AMPH: variants seen among roughly 807,000 people sequenced by gnomAD.
AMPH encodes the protein amphiphysin.
In AMPH, 49 loss-of-function variants were observed where a neutral mutation model predicts 99.1. That is an observed-to-expected ratio of 0.49 (90% CI 0.39 to 0.63). The LOEUF (loss-of-function observed/expected upper bound fraction) is 0.63. Among genes scored for constraint, AMPH ranks in the 20% least tolerant of loss-of-function variants. AMPH has a pLI of 0.00. For synonymous variants in AMPH, 314 were observed against 317.3 expected, an observed-to-expected ratio of 0.99 and a Z score of 0.11; for missense variants, 759 against 863.4, an observed-to-expected ratio of 0.88 and a Z score of 1.52.
intron 2 of AMPH, among the ~76,000 whole-genome samples, chr7:38,516,980 A>G (rs1467941566): frequency 6.6e-6 from 1 of 152,180 alleles, no homozygotes; most frequent in Non-Finnish European, 1.5e-5. Flanking sequence ...TGGAATGGAT[A>G]TATTTACCCA....
intron 2 of AMPH, among the ~76,000 whole-genome samples, chr7:38,532,254 A>C (rs1265276987): frequency 6.6e-6 from 1 of 152,052 alleles, no homozygotes; most frequent in East Asian, 1.9e-4. Flanking sequence ...TCCTCACTCC[A>C]CTATAATGAT....
chr7:38,451,586 A>G (rs888264926), intron 11 of AMPH, among the ~76,000 whole-genome samples: 2 of 152,066 alleles, frequency 1.3e-5, no homozygotes, highest in Non-Finnish European at 2.9e-5. Flanking sequence ...GAGACTGAGA[A>G]ATTCTTCCCT....
At chr7:38,630,797 A>T (rs962110532) in intron 1 of AMPH, among the ~76,000 whole-genome samples, 1 of 152,206 alleles carries the variant, frequency 6.6e-6, no homozygotes, top group African/African-American at 2.4e-5. Flanking sequence ...GCACTTAAGT[A>T]GCCACAAAAT....
intron 8 of AMPH, 40 bp downstream of exon 8, chr7:38,466,128 CCTTTA>C (rs1562773717): frequency 2.1e-6 from 3 of 1,454,884 alleles, no homozygotes; most frequent in Non-Finnish European, 2.9e-6. Flanking sequence ...AATAAACCTT[CCTTTA>C]CTTTATATTC....
At chr7:38,471,630 TA>T in intron 7 of AMPH, among the ~76,000 whole-genome samples, 1 of 152,100 alleles carries the variant, frequency 6.6e-6, no homozygotes, top group Non-Finnish European at 1.5e-5. Flanking sequence ...TACATTTTGG[TA>T]ACTATATAAA....
chr7:38,455,155 C>T (rs763517690), intron 11 of AMPH, among the ~76,000 whole-genome samples: 59 of 152,116 alleles, frequency 3.9e-4, no homozygotes, highest in Admixed American at 1.2e-3. Context: ...TCTTGGTTCA[C>T]CGCAACCTCC....
intron 11 of AMPH, among the ~76,000 whole-genome samples, chr7:38,451,434 T>G (rs527977513): frequency 3.5e-4 from 49 of 139,924 alleles, no homozygotes; most frequent in Middle Eastern, 3.6e-3. Context: ...TTGCTTTATT[T>G]TTTGTCTTGA....
intron 2 of AMPH, among the ~76,000 whole-genome samples, chr7:38,519,459 A>G (rs567470129): frequency 2.5e-4 from 33 of 133,960 alleles, no homozygotes; most frequent in Non-Finnish European, 4.8e-4. Flanking sequence ...TGGTAAAAAT[A>G]TTATCCCATA....
chr7:38,401,050 G>A (rs1265899749), intron 17 of AMPH, among the ~76,000 whole-genome samples: 2 of 152,046 alleles, frequency 1.3e-5, no homozygotes, highest in Non-Finnish European at 2.9e-5. Context: ...TCATGTTTCT[G>A]AGAAAAGTTA....
At chr7:38,486,614 A>T (rs1474247139) in intron 5 of AMPH, among the ~76,000 whole-genome samples, 1 of 152,084 alleles carries the variant, frequency 6.6e-6, no homozygotes, top group East Asian at 1.9e-4. Flanking sequence ...AGTCAGACAA[A>T]GACACCACAA....
At chr7:38,475,975 C>T (rs973378325) in intron 6 of AMPH, among the ~76,000 whole-genome samples, 1 of 152,196 alleles carries the variant, frequency 6.6e-6, no homozygotes, top group South Asian at 2.1e-4. Flanking sequence ...ACTTGTCAGA[C>T]TGCTTTACCA....
At chr7:38,494,051 G>C (rs922559758) in intron 4 of AMPH, among the ~76,000 whole-genome samples, 1 of 152,108 alleles carries the variant, frequency 6.6e-6, no homozygotes, top group African/African-American at 2.4e-5. Context: ...CCACCTCCTG[G>C]GTCCAAGCAA....
At chr7:38,587,565 A>T (rs1296157860) in intron 1 of AMPH, among the ~76,000 whole-genome samples, 1 of 152,210 alleles carries the variant, frequency 6.6e-6, no homozygotes, top group Non-Finnish European at 1.5e-5. Flanking sequence ...ATAACCTAAG[A>T]TATTCACAGG....
At chr7:38,611,218 G>A (rs950240055) in intron 1 of AMPH, among the ~76,000 whole-genome samples, 3 of 152,160 alleles carry the variant, frequency 2.0e-5, no homozygotes, top group African/African-American at 7.2e-5. Context: ...CAGAAAGACA[G>A]ATACAGCATA....
At chr7:38,401,694 T>C (rs567041552) in intron 17 of AMPH, among the ~76,000 whole-genome samples, 1 of 152,350 alleles carries the variant, frequency 6.6e-6, no homozygotes, top group South Asian at 2.1e-4. Flanking sequence ...TAGTGCTTTC[T>C]TATTTCCAAC....
chr7:38,413,198 A>C (rs1785264167), intron 17 of AMPH, among the ~76,000 whole-genome samples: 1 of 152,200 alleles, frequency 6.6e-6, no homozygotes, highest in African/African-American at 2.4e-5. Flanking sequence ...TTTTATTTCT[A>C]AGCCCTCATG....
chr7:38,573,185 G>A (rs1792113034), intron 1 of AMPH, among the ~76,000 whole-genome samples: 1 of 152,142 alleles, frequency 6.6e-6, no homozygotes. Context: ...TGGACACTGG[G>A]CTGTGGCACT....
chr7:38,414,458 C>T (rs113243929), intron 17 of AMPH, among the ~76,000 whole-genome samples: 2 of 152,160 alleles, frequency 1.3e-5, no homozygotes, highest in African/African-American at 4.8e-5. Flanking sequence ...GTATAATTCA[C>T]ATCATTTAAG....
At chr7:38,459,163 T>C (rs1787347107) in intron 11 of AMPH, among the ~76,000 whole-genome samples, 1 of 151,794 alleles carries the variant, frequency 6.6e-6, no homozygotes, top group Admixed American at 6.6e-5. Flanking sequence ...AGGAAGAAAT[T>C]TAGCCAAGGA....
Sources: gnomAD v4.1 joint callset for allele counts (sites outside exome capture counted in the v4.1 genomes callset) on GRCh38, gnomAD v4.1.1 for gene constraint, MANE v1.5 for transcripts, NCBI Gene and HGNC (gene_info 2026-07-23, HGNC 2026-07-21) for gene names.